The following UNC13C variants were observed in gnomAD, a reference collection of about 807,000 sequenced individuals.
The protein encoded by UNC13C is unc-13 homolog C, also known as protein unc-13 homolog C.
Under a neutral mutation model 245.4 loss-of-function variants are expected in UNC13C, and 174 were observed. The observed-to-expected ratio is 0.71, with a 90% CI of 0.63 to 0.80. The LOEUF (loss-of-function observed/expected upper bound fraction) is 0.80. Ranked by LOEUF, UNC13C falls within the 30% of genes least tolerant of loss-of-function variation. The pLI is 0.00. For missense variants in UNC13C, 2,829 were observed against 2,602.9 expected, an observed-to-expected ratio of 1.09 and a Z score of -1.89; for synonymous variants, 992 against 895.1, an observed-to-expected ratio of 1.11 and a Z score of -1.93.
At chr15:54,628,815 T>TGTTTA (rs1351502273), downstream of UNC13C, 1 of 152,156 alleles carries the variant, frequency 6.6e-6, no homozygotes, top group Non-Finnish European at 1.5e-5. Context: ...AATGTTTGTT[T>TGTTTA]GTTTATACAC....
chr15:53,852,183 T>G, the UNC13C span, among the ~76,000 whole-genome samples: 1 of 152,132 alleles, frequency 6.6e-6, no homozygotes, highest in Non-Finnish European at 1.5e-5. Context: ...TTTAATTGAA[T>G]TAGAGGAAAC....
intron 17 of UNC13C, among the ~76,000 whole-genome samples, chr15:54,349,647 G>A (rs2038936342): frequency 6.6e-6 from 1 of 152,126 alleles, no homozygotes. Context: ...TAAATTTAAT[G>A]GTGATATGGG....
intron 2 of UNC13C, among the ~76,000 whole-genome samples, chr15:54,029,981 G>A (rs1896286854): frequency 6.6e-6 from 1 of 152,184 alleles, no homozygotes; most frequent in African/African-American, 2.4e-5. Flanking sequence ...AAATGCTGCA[G>A]CTTTCTACCC....
chr15:54,433,991 A>G (rs774073743), intron 19 of UNC13C, among the ~76,000 whole-genome samples: 14 of 152,110 alleles, frequency 9.2e-5, no homozygotes, highest in Non-Finnish European at 1.6e-4. Context: ...AATTGCTACA[A>G]AGAGAATAAA....
intron 25 of UNC13C, among the ~76,000 whole-genome samples, chr15:54,529,323 T>C (rs2141144990): frequency 6.6e-6 from 1 of 152,326 alleles, no homozygotes; most frequent in South Asian, 2.1e-4. Context: ...ATCCAAGTTG[T>C]GATAATTTAA....
intron 4 of UNC13C, among the ~76,000 whole-genome samples, chr15:54,206,238 T>C (rs1482892002): frequency 1.3e-5 from 2 of 152,088 alleles, no homozygotes; most frequent in Non-Finnish European, 2.9e-5. Flanking sequence ...CTCTCCCTTC[T>C]CTTTGCACTA....
At chr15:54,076,495 A>T (rs1897024) in intron 2 of UNC13C, among the ~76,000 whole-genome samples, 1 of 150,936 alleles carries the variant, frequency 6.6e-6, no homozygotes, top group Non-Finnish European at 1.5e-5. Context: ...ACTGAATTTA[A>T]TTTCCATTTA....
chr15:53,880,696 C>CTTTTT, the UNC13C span, among the ~76,000 whole-genome samples: 2 of 141,402 alleles, frequency 1.4e-5, no homozygotes, highest in Non-Finnish European at 3.1e-5. Flanking sequence ...GCTTTGTCAT[C>CTTTTT]TTTTTTTTTT....
chr15:54,282,948 A>C (rs2037038349), intron 10 of UNC13C, among the ~76,000 whole-genome samples: 1 of 152,204 alleles, frequency 6.6e-6, no homozygotes, highest in Admixed American at 6.5e-5. Flanking sequence ...TGGTGTGTGC[A>C]TGCTGACTGG....
intron 30 of UNC13C, among the ~76,000 whole-genome samples, chr15:54,587,080 C>T (rs1194170204): frequency 1.3e-5 from 2 of 152,162 alleles, no homozygotes; most frequent in African/African-American, 4.8e-5. Flanking sequence ...TTCCTTCCAT[C>T]ACTTACTACC....
intron 2 of UNC13C, among the ~76,000 whole-genome samples, chr15:54,139,574 A>G (rs965950409): frequency 5.9e-5 from 9 of 152,202 alleles, no homozygotes; most frequent in African/African-American, 1.7e-4. Context: ...TCAACTATGC[A>G]TGATAGTGTT....
rs530083885 is a variant in UNC13C, at chr15:54,448,802, T to C, written c.4933+33735T>C. The stretch of plus-strand genomic sequence containing the variant: ...TAAGGTTAATATTGTTATGTGTGAA[T>C]TTGATCCTGTCATTATGATGTTAGC... On this transcript the variant is annotated intron_variant, in intron 19 of 32. Transcript: ENST00000260323. 8.5e-5 allele frequency among the ~76,000 whole-genome samples: 13 copies of C among 152,328 alleles called. No homozygotes were observed. In the East Asian group the frequency reaches 2.5e-3, roughly 29 times the overall value.
At chr15:54,270,089 A>C (rs184185078) in intron 10 of UNC13C, among the ~76,000 whole-genome samples, 1 of 152,162 alleles carries the variant, frequency 6.6e-6, no homozygotes, top group African/African-American at 2.4e-5. Context: ...TATTCTTATT[A>C]TACAGGTTCT....
At position 54,265,436 on chromosome 15, in the gene UNC13C, AAAG is replaced by A. The variant is rs2036528967; in HGVS notation, c.3764_3766del (p.Arg1255del). ...GTTACAGTTCAAGTTGGAAAGAACA[AAAG>A]AAGAACAAAAACCATTTTTGGAAAT... is the stretch of plus-strand genomic sequence containing the variant. On this transcript the variant is annotated inframe_deletion, in exon 10 of 33. Transcript: ENST00000260323. The A allele has an allele frequency of 6.4e-7, 1 of 1,574,026 alleles. No individual in the cohort carries two copies. Among genetic ancestry groups the A allele is most frequent in the African/African-American group, 1.3e-5 (1 of 74,292 alleles).
chr15:54,016,214 A>C (rs1895649183), intron 2 of UNC13C, among the ~76,000 whole-genome samples: 1 of 152,226 alleles, frequency 6.6e-6, no homozygotes, highest in African/African-American at 2.4e-5. Flanking sequence ...GTCAAACAAA[A>C]GTTGAGTGAA....
At chr15:54,151,766 A>G (rs961835854) in intron 4 of UNC13C, among the ~76,000 whole-genome samples, 4 of 152,166 alleles carry the variant, frequency 2.6e-5, no homozygotes, top group Non-Finnish European at 5.9e-5. Flanking sequence ...ACTTTGGGGA[A>G]GGAAATCAGA....
rs560940196 is a variant in UNC13C at position 54,269,648 on chromosome 15, G to A, written c.3818+4152G>A. 3.7e-4 allele frequency among the ~76,000 whole-genome samples: 56 copies of A among 152,216 alleles called. 1 individual carries two copies. The highest frequency in any genetic ancestry group is 1.9e-3 in the Admixed American group (29 of 15,290). ...ATTCGCAGTGCTCATCCAGACCAGG[G>A]CTAGTGCTTGTTCCCACCAGACTGG... is the stretch of plus-strand genomic sequence containing the variant. On this transcript the variant is annotated intron_variant, in intron 10 of 32. Transcript: ENST00000260323.
chr15:54,032,380 C>T (rs956452864), intron 2 of UNC13C, among the ~76,000 whole-genome samples: 2 of 152,166 alleles, frequency 1.3e-5, no homozygotes, highest in Admixed American at 1.3e-4. Flanking sequence ...GGCCTAACAG[C>T]CCAGTCATCA....
intron 19 of UNC13C, among the ~76,000 whole-genome samples, chr15:54,440,652 C>A (rs544021611): frequency 2.4e-4 from 37 of 151,994 alleles, no homozygotes; most frequent in African/African-American, 8.4e-4. Flanking sequence ...TAGATAATTT[C>A]CTTTACTCTG....
Sources: gnomAD v4.1 joint callset for allele counts (sites outside exome capture counted in the v4.1 genomes callset) on GRCh38, gnomAD v4.1.1 for gene constraint, MANE v1.5 for transcripts, NCBI Gene and HGNC (gene_info 2026-07-23, HGNC 2026-07-21) for gene names.